LAMC3: variants seen among roughly 807,000 people sequenced by gnomAD.
The protein encoded by LAMC3 is laminin subunit gamma-3.
In LAMC3, 128 loss-of-function variants were observed where a neutral mutation model predicts 173.8. That is an observed-to-expected ratio of 0.74 (90% CI 0.64 to 0.85). LAMC3 has a LOEUF of 0.85. Among genes scored for constraint, LAMC3 ranks in the 40% least tolerant of loss-of-function variants. The probability of loss-of-function intolerance (pLI) is 0.00; values close to 1 mark genes in which losing one functional copy is unlikely to be tolerated. For synonymous variants in LAMC3, 897 were observed against 909.1 expected (o/e 0.99, Z 0.24); for missense variants, 2,022 against 2,156.0 (o/e 0.94, Z 1.23).
At chr9:131,037,589 G>A (rs1422166804) in intron 4 of LAMC3, among the ~76,000 whole-genome samples, 1 of 152,070 alleles carries the variant, frequency 6.6e-6, no homozygotes, top group Admixed American at 6.5e-5. Context: ...CTGCAGCCTC[G>A]AATTCCTGGG....
intron 6 of LAMC3, 143 bp downstream of exon 6, chr9:131,039,391 C>T: frequency 4.0e-6 from 3 of 741,956 alleles, no homozygotes; most frequent in Admixed American, 2.0e-5. Context: ...ACTAGAGACA[C>T]TCAGCTCCTG....
intron 23 of LAMC3, 92 bp downstream of exon 23, chr9:131,079,390 C>A: frequency 6.7e-7 from 1 of 1,497,842 alleles, no homozygotes; most frequent in Non-Finnish European, 9.2e-7. Context: ...GGGAGAAGGG[C>A]AGAGACAGAA....
At chr9:131,036,124 C>T (rs374989870) in intron 3 of LAMC3, 42 bp from the exon 4 acceptor site, 88 of 1,608,840 alleles carry the variant, frequency 5.5e-5, no homozygotes, top group Middle Eastern at 1.9e-4. Flanking sequence ...TCTGCCCTGC[C>T]GGCACCTGCG....
rs1554786056 is a variant in LAMC3, at chr9:131,045,246, C to CAACAAA, written c.1383-276_1383-275insCAAAAA. Among the ~76,000 whole-genome samples, 142 of 144,564 alleles carry CAACAAA rather than the reference C, an allele frequency of 9.8e-4. 3 individuals are homozygous for CAACAAA. The highest frequency in any genetic ancestry group is 3.4e-3 in the African/African-American group (129 of 37,652). The allele number at this position is 144,564 out of a possible 152,430, so 94.8% of individuals were successfully genotyped here. On this transcript the variant is annotated intron_variant, in intron 7 of 27. Coordinates refer to ENST00000361069, the MANE Select transcript of LAMC3 (RefSeq NM_006059.4). ...CAAAAAAAAAAAAAAACAACAACAA[C>CAACAAA]AAAAAAACAAAACCTAATAAAGTCT...
At chr9:131,089,392 T>A (rs1219302010) in intron 27 of LAMC3, among the ~76,000 whole-genome samples, 1 of 152,064 alleles carries the variant, frequency 6.6e-6, no homozygotes, top group Non-Finnish European at 1.5e-5. Context: ...TTAAAATTTT[T>A]TTGGAGACAG....
intron 15 of LAMC3, 85 bp from the exon 16 acceptor site, chr9:131,068,823 A>C (rs1239360817): frequency 6.7e-7 from 1 of 1,493,106 alleles, no homozygotes; most frequent in African/African-American, 1.4e-5. Context: ...CTGTGATCTG[A>C]GGCCCCAGCC....
At chr9:131,055,660 T>C (rs1473562243) in intron 11 of LAMC3, among the ~76,000 whole-genome samples, 25 of 151,792 alleles carry the variant, frequency 1.6e-4, no homozygotes, top group South Asian at 4.2e-4. Flanking sequence ...TTCCTGACCT[T>C]ATGATTCGCC....
intron 1 of LAMC3, among the ~76,000 whole-genome samples, chr9:131,012,658 G>A (rs1018002428): frequency 6.6e-6 from 1 of 152,238 alleles, no homozygotes; most frequent in African/African-American, 2.4e-5. Context: ...AATAGCGGGG[G>A]AAGGAGAGGC....
At chr9:131,053,845 G>A (rs12003897) in intron 11 of LAMC3, among the ~76,000 whole-genome samples, 82,916 of 123,932 alleles carry the variant, frequency 0.67, 24,355 homozygotes, top group African/African-American at 0.81. Flanking sequence ...AACAACAACA[G>A]CAACAATAAC....
At chr9:131,044,240 G>A (rs147524303) in intron 7 of LAMC3, among the ~76,000 whole-genome samples, 5,905 of 151,444 alleles carry the variant, frequency 0.039, 159 homozygotes, top group South Asian at 0.068. Context: ...GGCCAGGCGC[G>A]GTGGCTCATG....
At chr9:131,084,116 C>T (rs1300587673) in intron 24 of LAMC3, among the ~76,000 whole-genome samples, 1 of 150,956 alleles carries the variant, frequency 6.6e-6, no homozygotes, top group African/African-American at 2.4e-5. Flanking sequence ...CTCCTGACCT[C>T]TGGTGATCTA....
At chr9:131,075,200 T>G (rs980132112) in intron 20 of LAMC3, among the ~76,000 whole-genome samples, 1 of 151,778 alleles carries the variant, frequency 6.6e-6, no homozygotes, top group African/African-American at 2.4e-5. Flanking sequence ...CCTAGGAGTT[T>G]GAGGTTGCAG....
chr9:131,088,311 C>G (rs1392144181), intron 27 of LAMC3, among the ~76,000 whole-genome samples: 1 of 152,172 alleles, frequency 6.6e-6, no homozygotes, highest in African/African-American at 2.4e-5. Flanking sequence ...AGCCTCAGAT[C>G]CCCCATCTGG....
At chr9:131,070,579 C>G (rs369897021) in intron 17 of LAMC3, among the ~76,000 whole-genome samples, 1 of 152,064 alleles carries the variant, frequency 6.6e-6, no homozygotes, top group South Asian at 2.1e-4. Context: ...GGTGGGGTGG[C>G]GCGCACCTGT....
intron 3 of LAMC3, among the ~76,000 whole-genome samples, chr9:131,032,917 C>T (rs1833870504): frequency 6.6e-6 from 1 of 152,270 alleles, no homozygotes; most frequent in South Asian, 2.1e-4. Context: ...ATCTGCCCGC[C>T]TTGGCCTCCC....
At chr9:131,047,108 T>C (rs1366941723) in intron 8 of LAMC3, among the ~76,000 whole-genome samples, 2 of 151,544 alleles carry the variant, frequency 1.3e-5, no homozygotes, top group African/African-American at 2.4e-5. Flanking sequence ...CATCTCATTT[T>C]GTCTCACAGT....
intron 8 of LAMC3, among the ~76,000 whole-genome samples, chr9:131,047,920 TA>T (rs1319889607): frequency 6.1e-5 from 5 of 81,324 alleles, no homozygotes; most frequent in African/African-American, 2.7e-4. Flanking sequence ...ATTTTTATTT[TA>T]TTTTTTTAGC....
At chr9:131,062,140 A>G (rs888677723) in intron 13 of LAMC3, among the ~76,000 whole-genome samples, 2 of 152,172 alleles carry the variant, frequency 1.3e-5, no homozygotes, top group Non-Finnish European at 2.9e-5. Flanking sequence ...AAGCGGGTGG[A>G]TCACAAGGTC....
chr9:131,067,702 C>G (rs535338230), intron 14 of LAMC3, among the ~76,000 whole-genome samples: 2 of 152,368 alleles, frequency 1.3e-5, no homozygotes, highest in East Asian at 1.9e-4. Flanking sequence ...AAACACCGCT[C>G]TGGCCCAGAG....
Sources: allele counts gnomAD v4.1 joint callset (sites outside exome capture counted in the v4.1 genomes callset), GRCh38; gene constraint gnomAD v4.1.1; transcripts MANE v1.5; gene names NCBI Gene and HGNC (gene_info 2026-07-23, HGNC 2026-07-21).